Variants in PKNOX2 observed in about 807,000 individuals in gnomAD.
PKNOX2 encodes PBX/knotted 1 homeobox 2, also known as homeobox protein PKNOX2.
In PKNOX2, 14 loss-of-function variants were observed where a neutral mutation model predicts 53.1. The observed-to-expected ratio is 0.26, with a 90% confidence interval of 0.17 to 0.41. The LOEUF (loss-of-function observed/expected upper bound fraction) is 0.41. Among genes scored for constraint, PKNOX2 ranks in the 10% least tolerant of loss-of-function variants. The pLI, the probability that PKNOX2 is intolerant of heterozygous loss-of-function variation, is 1.00. For missense variants in PKNOX2, 496 were observed against 602.8 expected (o/e 0.82, Z 1.85); for synonymous variants, 257 against 242.8 (o/e 1.06, Z -0.54).
chr11:125,271,608 C>T (rs1247141630), intron 2 of PKNOX2, among the ~76,000 whole-genome samples: 3 of 152,196 alleles, frequency 2.0e-5, no homozygotes, highest in Admixed American at 2.0e-4. Context: ...GTCTCAGTTC[C>T]TGTGTTCCAG....
chr11:125,194,383 G>A (rs1195762781), intron 1 of PKNOX2, among the ~76,000 whole-genome samples: 2 of 152,124 alleles, frequency 1.3e-5, no homozygotes, highest in African/African-American at 4.8e-5. Flanking sequence ...GTCTTTTCAG[G>A]GTCTCCTGAG....
intron 4 of PKNOX2, 51 bp from the exon 5 acceptor site, chr11:125,367,795 C>A: frequency 6.3e-7 from 1 of 1,583,420 alleles, no homozygotes; most frequent in Non-Finnish European, 8.6e-7. Context: ...AGCCTGGAGA[C>A]CAGCACCCTG....
At position 125,351,323 on chromosome 11, in the gene PKNOX2, C is replaced by T. The variant is rs1951299621; in HGVS notation, c.18C>T (p.Ser6=). The T allele has an allele frequency of 6.2e-7, 1 of 1,605,090 alleles. No individual in the cohort carries two copies. The change falls in exon 4 of 13, where the codon TCC becomes TCT. Residue 6 remains serine (S), a synonymous_variant. Coordinates refer to ENST00000298282, the MANE Select transcript of PKNOX2 (RefSeq NM_001382323.2). ...TCAATCCCATGATGCAACATGCCTC[C>T]CCAGCCCCCGCTCTGACGATGATGG... MMQHA[S]PAPALTMMAT... is the part of the protein sequence containing the mutation.
chr11:125,225,116 G>T (rs752900492), intron 1 of PKNOX2, among the ~76,000 whole-genome samples: 9 of 152,192 alleles, frequency 5.9e-5, no homozygotes, highest in Non-Finnish European at 1.2e-4. Context: ...AGAAAGTGTG[G>T]CCTACCCTCA....
chr11:125,422,126 C>T lies in PKNOX2; in HGVS notation c.937-6886C>T, dbSNP rs765351094. The stretch of plus-strand genomic sequence containing the variant: ...GATAATCATCAATGCCCCTATGATT[C>T]GTATTGGCCACAGGGAGTGACCCCT... On this transcript the variant is annotated intron_variant, in intron 10 of 12. Transcript: ENST00000298282. The surrounding 1 kb of genome is among the most constrained non-coding windows in gnomAD (Gnocchi z 4.1). Among the ~76,000 whole-genome samples, 6 of 152,112 alleles carry T rather than the reference C, an allele frequency of 3.9e-5. No homozygotes were observed. Among genetic ancestry groups the T allele is most frequent in the Non-Finnish European group, 7.4e-5 (5 of 68,018 alleles).
chr11:125,178,593 G>A (rs1454528228), intron 1 of PKNOX2, among the ~76,000 whole-genome samples: 951 of 32,110 alleles, frequency 0.03, 13 homozygotes, highest in Middle Eastern at 0.033. Flanking sequence ...AAGGAAGGAA[G>A]GAAGGAAGGA....
chr11:125,261,825 T>TG (rs1944870241), intron 2 of PKNOX2, among the ~76,000 whole-genome samples: 1 of 152,112 alleles, frequency 6.6e-6, no homozygotes, highest in Admixed American at 6.5e-5. Flanking sequence ...CAAATTTTTG[T>TG]GAAAAAGGTG....
chr11:125,234,501 A>G (rs148427133), intron 1 of PKNOX2, among the ~76,000 whole-genome samples: 3 of 152,250 alleles, frequency 2.0e-5, no homozygotes, highest in African/African-American at 7.2e-5. Context: ...CTTCCTGCCC[A>G]ATTGGACTCT....
intron 2 of PKNOX2, among the ~76,000 whole-genome samples, chr11:125,317,416 C>G (rs1289026341): frequency 1.3e-5 from 2 of 152,182 alleles, no homozygotes; most frequent in African/African-American, 4.8e-5. Flanking sequence ...TCTATGGCAG[C>G]AAGAGCCTTA....
At chr11:125,404,492 C>G (rs1954950688) in intron 7 of PKNOX2, among the ~76,000 whole-genome samples, 1 of 152,166 alleles carries the variant, frequency 6.6e-6, no homozygotes, top group African/African-American at 2.4e-5. Context: ...TCTGGCTTTT[C>G]TTGGTCTAAG....
intron 2 of PKNOX2, among the ~76,000 whole-genome samples, chr11:125,250,584 A>G (rs187565739): frequency 2.0e-5 from 3 of 152,040 alleles, no homozygotes; most frequent in Non-Finnish European, 4.4e-5. Flanking sequence ...AGGGATCACC[A>G]CTCCCTGGGG....
intron 10 of PKNOX2, among the ~76,000 whole-genome samples, chr11:125,417,151 C>T (rs1955931322): frequency 6.6e-6 from 1 of 151,980 alleles, no homozygotes; most frequent in South Asian, 2.1e-4. Flanking sequence ...GCAGAGAGTC[C>T]TCCTCTTGGA....
At chr11:125,300,451 T>A (rs1014817282) in intron 2 of PKNOX2, among the ~76,000 whole-genome samples, 8 of 152,192 alleles carry the variant, frequency 5.3e-5, no homozygotes, top group African/African-American at 1.9e-4. Context: ...CTTCCCACAG[T>A]TCTCCAGCTG....
chr11:125,421,168 C>T (rs1450912023), intron 10 of PKNOX2, among the ~76,000 whole-genome samples: 1 of 152,196 alleles, frequency 6.6e-6, no homozygotes, highest in African/African-American at 2.4e-5. Context: ...AAATGATAGA[C>T]ATAAGCCAGG....
At chr11:125,253,198 T>G (rs187936958) in intron 2 of PKNOX2, among the ~76,000 whole-genome samples, 74 of 152,304 alleles carry the variant, frequency 4.9e-4, no homozygotes, top group African/African-American at 1.7e-3. Flanking sequence ...TTAATAAAAC[T>G]TTTTCACATT....
intron 2 of PKNOX2, among the ~76,000 whole-genome samples, chr11:125,296,009 G>A (rs1205695195): frequency 2.0e-5 from 3 of 152,084 alleles, no homozygotes; most frequent in Admixed American, 1.3e-4. Context: ...ATAAGGTGGG[G>A]TCCCCCTGAC....
chr11:125,180,069 A>G (rs2014365), intron 1 of PKNOX2, among the ~76,000 whole-genome samples: 32,300 of 152,042 alleles, frequency 0.21, 5,968 homozygotes, highest in African/African-American at 0.49. Flanking sequence ...TGAAACAGCC[A>G]TGCACGCTCC....
intron 1 of PKNOX2, among the ~76,000 whole-genome samples, chr11:125,167,290 T>G (rs2135164365): frequency 6.6e-6 from 1 of 152,254 alleles, no homozygotes; most frequent in South Asian, 2.1e-4. Flanking sequence ...CCTGCACCCC[T>G]GGCAGGGAGA....
chr11:125,334,516 C>T (rs578163966), intron 3 of PKNOX2, among the ~76,000 whole-genome samples: 2 of 151,950 alleles, frequency 1.3e-5, no homozygotes, highest in Non-Finnish European at 2.9e-5. Context: ...CCAGACCAAC[C>T]TAGACTCCAA....
Sources: allele counts gnomAD v4.1 joint callset (sites outside exome capture counted in the v4.1 genomes callset), GRCh38; gene constraint gnomAD v4.1.1; non-coding constraint Gnocchi (gnomAD v3.1); transcripts MANE v1.5; gene names NCBI Gene and HGNC (gene_info 2026-07-23, HGNC 2026-07-21).